Variants in HS3ST4 observed in about 807,000 individuals in gnomAD.
The protein encoded by HS3ST4 is heparan sulfate-glucosamine 3-sulfotransferase 4, also known as heparan sulfate glucosamine 3-O-sulfotransferase 4.
A neutral mutation model predicts 29.2 loss-of-function variants in HS3ST4; 17 were observed. The observed-to-expected ratio is 0.58, with a 90% CI of 0.40 to 0.87. The LOEUF (loss-of-function observed/expected upper bound fraction) is 0.87. HS3ST4 is among the 40% of genes least tolerant of loss of function. HS3ST4 has a pLI of 0.00. For synonymous variants in HS3ST4, 314 were observed against 285.7 expected, an observed-to-expected ratio of 1.10 and a Z score of -1.00; for missense variants, 627 against 634.5, an observed-to-expected ratio of 0.99 and a Z score of 0.13.
chr16:26,061,008 A>T (rs1251432275), intron 1 of HS3ST4, among the ~76,000 whole-genome samples: 1 of 152,142 alleles, frequency 6.6e-6, no homozygotes, highest in Non-Finnish European at 1.5e-5. Flanking sequence ...ATCTTTGAAG[A>T]ATCTCACTTA....
At chr16:25,760,701 G>A (rs1451215325) in intron 1 of HS3ST4, among the ~76,000 whole-genome samples, 1 of 152,164 alleles carries the variant, frequency 6.6e-6, no homozygotes, top group Non-Finnish European at 1.5e-5. Flanking sequence ...TTACAGGTGT[G>A]AACCACAGCA....
chr16:26,067,926 T>G (rs1275490660), intron 1 of HS3ST4, among the ~76,000 whole-genome samples: 1 of 152,320 alleles, frequency 6.6e-6, no homozygotes, highest in Non-Finnish European at 1.5e-5. Flanking sequence ...CTCCTTTGCC[T>G]TCCACCATGA....
intron 1 of HS3ST4, among the ~76,000 whole-genome samples, chr16:26,121,714 C>T (rs1899279132): frequency 1.3e-5 from 2 of 152,234 alleles, no homozygotes; most frequent in African/African-American, 2.4e-5. Flanking sequence ...ACTGTAAGCA[C>T]GAGTGCCTGT....
At chr16:26,111,689 T>G (rs758250283) in intron 1 of HS3ST4, among the ~76,000 whole-genome samples, 3 of 152,182 alleles carry the variant, frequency 2.0e-5, no homozygotes, top group Non-Finnish European at 2.9e-5. Context: ...TTTATATCCT[T>G]TTTAATACAT....
intron 1 of HS3ST4, among the ~76,000 whole-genome samples, chr16:25,844,193 C>G (rs1367163376): frequency 6.6e-6 from 1 of 152,180 alleles, no homozygotes; most frequent in Non-Finnish European, 1.5e-5. Context: ...ATCATTCTCC[C>G]TAGATGTATC....
At chr16:25,738,014 C>T (rs1030313065) in intron 1 of HS3ST4, among the ~76,000 whole-genome samples, 1 of 151,832 alleles carries the variant, frequency 6.6e-6, no homozygotes, top group Admixed American at 6.6e-5. Context: ...AAGCAATTCT[C>T]CTGCCTCAGC....
chr16:25,751,679 A>C (rs1429002478), intron 1 of HS3ST4, among the ~76,000 whole-genome samples: 1 of 152,212 alleles, frequency 6.6e-6, no homozygotes, highest in Non-Finnish European at 1.5e-5. Flanking sequence ...TATGCTGAAG[A>C]ACATCTTAGT....
At chr16:25,923,405 G>A (rs1044659722) in intron 1 of HS3ST4, among the ~76,000 whole-genome samples, 30 of 152,332 alleles carry the variant, frequency 2.0e-4, no homozygotes, top group African/African-American at 7.2e-4. Context: ...GGCTTGTCAA[G>A]TCTTTCCAGG....
At chr16:25,890,003 C>A (rs1967992213) in intron 1 of HS3ST4, among the ~76,000 whole-genome samples, 1 of 152,160 alleles carries the variant, frequency 6.6e-6, no homozygotes, top group African/African-American at 2.4e-5. Context: ...AACTGTGAGT[C>A]CATTCAACCT....
chr16:26,062,398 G>A (rs1433418446), intron 1 of HS3ST4, among the ~76,000 whole-genome samples: 1 of 152,144 alleles, frequency 6.6e-6, no homozygotes, highest in Non-Finnish European at 1.5e-5. Context: ...TAATCAATGG[G>A]ATTCTTGCCT....
chr16:26,073,033 T>C (rs1326092607), intron 1 of HS3ST4, among the ~76,000 whole-genome samples: 1 of 152,258 alleles, frequency 6.6e-6, no homozygotes, highest in East Asian at 1.9e-4. Context: ...TCTAATGAGC[T>C]TAAATGAGTT....
intron 1 of HS3ST4, among the ~76,000 whole-genome samples, chr16:25,701,788 A>G (rs1183782712): frequency 6.6e-6 from 1 of 152,236 alleles, no homozygotes; most frequent in African/African-American, 2.4e-5. Flanking sequence ...AGAAATGGAC[A>G]TGTAAATGAT....
intron 1 of HS3ST4, among the ~76,000 whole-genome samples, chr16:26,091,995 G>A (rs974284295): frequency 2.0e-5 from 3 of 152,174 alleles, no homozygotes; most frequent in African/African-American, 7.2e-5. Flanking sequence ...GTGACAGCAA[G>A]GCAGGTGGTG....
intron 1 of HS3ST4, among the ~76,000 whole-genome samples, chr16:26,024,582 A>G (rs8053915): frequency 0.55 from 83,020 of 151,756 alleles, 23,338 homozygotes; most frequent in South Asian, 0.74. Flanking sequence ...AAATACAAAA[A>G]CTAGCAGGGC....
At chr16:25,933,440 G>T (rs1356883424) in intron 1 of HS3ST4, 2 of 506,364 alleles carry the variant, frequency 3.9e-6, no homozygotes, top group African/African-American at 3.9e-5. Flanking sequence ...GTTTAGCACT[G>T]CTGAAAAATC....
chr16:25,992,177 G>T (rs944500763), intron 1 of HS3ST4, among the ~76,000 whole-genome samples: 1 of 152,184 alleles, frequency 6.6e-6, no homozygotes, highest in Non-Finnish European at 1.5e-5. Flanking sequence ...GGACAAACGA[G>T]ATATTTATGA....
chr16:25,781,702 T>A (rs1280800755), intron 1 of HS3ST4, among the ~76,000 whole-genome samples: 1 of 152,212 alleles, frequency 6.6e-6, no homozygotes, highest in Non-Finnish European at 1.5e-5. Flanking sequence ...GGGATCTTCA[T>A]CCCAGAGCCC....
At chr16:25,740,423 A>G (rs563128089) in intron 1 of HS3ST4, among the ~76,000 whole-genome samples, 1 of 152,286 alleles carries the variant, frequency 6.6e-6, no homozygotes, top group Middle Eastern at 3.4e-3. Flanking sequence ...GCCTGCTCCA[A>G]ATAGGTCCAG....
intron 1 of HS3ST4, among the ~76,000 whole-genome samples, chr16:25,762,733 A>C (rs577478653): frequency 6.6e-6 from 1 of 151,218 alleles, no homozygotes; most frequent in African/African-American, 2.4e-5. Flanking sequence ...AACAAACAAA[A>C]AAACCACCCG....
Sources: gnomAD v4.1 joint callset for allele counts (sites outside exome capture counted in the v4.1 genomes callset) on GRCh38, gnomAD v4.1.1 for gene constraint, MANE v1.5 for transcripts, NCBI Gene and HGNC (gene_info 2026-07-23, HGNC 2026-07-21) for gene names.